DSTN: variants seen among roughly 807,000 people sequenced by gnomAD.
DSTN encodes destrin, actin depolymerizing factor.
Under a neutral mutation model 16.8 loss-of-function variants are expected in DSTN, and 10 were observed. That is an observed-to-expected ratio of 0.60 (90% CI 0.37 to 1.01). The LOEUF (loss-of-function observed/expected upper bound fraction) is 1.01. Among genes scored for constraint, DSTN ranks in the 50% least tolerant of loss-of-function variants. The pLI, the probability that DSTN is intolerant of heterozygous loss-of-function variation, is 0.01. For synonymous variants in DSTN, 57 were observed against 58.9 expected (o/e 0.97, Z 0.14); for missense variants, 141 against 196.7 (o/e 0.72, Z 1.69).
rs565864408 is a variant in DSTN at position 17,586,387 on chromosome 20, A to G, written c.4-14351A>G. Among the ~76,000 whole-genome samples the G allele has an allele frequency of 7.2e-4, 109 of 152,280 alleles. 1 individual carries two copies. Among genetic ancestry groups the G allele is most frequent in the Non-Finnish European group, 1.3e-3 (87 of 68,030 alleles). ...CAAAACCAATGGCTTGCCTCATAGG[A>G]CCCAGTTTCATCATTGCAGATTTTG... is the stretch of plus-strand genomic sequence containing the variant. On this transcript the variant is annotated intron_variant, in intron 1 of 3. Transcript: ENST00000246069.
intron 1 of DSTN, among the ~76,000 whole-genome samples, chr20:17,577,700 T>C (rs775449726): frequency 6.6e-6 from 1 of 152,230 alleles, no homozygotes; most frequent in Non-Finnish European, 1.5e-5. Context: ...AATATACTTT[T>C]AACTTTTCTA....
chr20:17,602,577 T>C (rs1394045420), intron 2 of DSTN, among the ~76,000 whole-genome samples: 1 of 152,232 alleles, frequency 6.6e-6, no homozygotes, highest in African/African-American at 2.4e-5. Context: ...TGTTACACTG[T>C]TACTTAAGAA....
intron 1 of DSTN, among the ~76,000 whole-genome samples, chr20:17,597,776 A>G (rs1284574293): frequency 6.6e-6 from 1 of 152,226 alleles, no homozygotes; most frequent in African/African-American, 2.4e-5. Context: ...TTGTGTATGC[A>G]TCACTCCTGT....
intron 1 of DSTN, among the ~76,000 whole-genome samples, chr20:17,571,340 A>G (rs929140459): frequency 6.6e-6 from 1 of 152,226 alleles, no homozygotes; most frequent in African/African-American, 2.4e-5. Flanking sequence ...TTTTCACTGT[A>G]TAACAGTTTT....
intron 1 of DSTN, among the ~76,000 whole-genome samples, chr20:17,595,744 G>A (rs563148699): frequency 6.6e-6 from 1 of 152,184 alleles, no homozygotes; most frequent in Non-Finnish European, 1.5e-5. Context: ...GATGCAAATA[G>A]TGATAGTAGC....
chr20:17,587,908 A>G (rs2035428707), intron 1 of DSTN, among the ~76,000 whole-genome samples: 2 of 152,236 alleles, frequency 1.3e-5, no homozygotes, highest in East Asian at 3.8e-4. Context: ...CCACACATCA[A>G]GTATTCAGTA....
intron 1 of DSTN, among the ~76,000 whole-genome samples, chr20:17,585,404 T>TATTGATTTG (rs1049740718): frequency 3.3e-5 from 5 of 152,138 alleles, no homozygotes; most frequent in African/African-American, 7.2e-5. Context: ...GTTTCATATT[T>TATTGATTTG]ATTGATTTGC....
At chr20:17,574,669 T>A (rs997538676) in intron 1 of DSTN, among the ~76,000 whole-genome samples, 2 of 133,372 alleles carry the variant, frequency 1.5e-5, no homozygotes, top group African/African-American at 2.9e-5. Flanking sequence ...GAGGTTGTAG[T>A]GAGCTAAGAT....
chr20:17,606,828 G>A (rs1392247731), intron 3 of DSTN, among the ~76,000 whole-genome samples: 1 of 152,120 alleles, frequency 6.6e-6, no homozygotes, highest in African/African-American at 2.4e-5. Context: ...TTTAAATCTG[G>A]ATTCTTTCAG....
intron 1 of DSTN, chr20:17,596,714 A>G: frequency 2.0e-6 from 2 of 985,428 alleles, no homozygotes; most frequent in Non-Finnish European, 2.4e-6. Context: ...GTCTAATGGT[A>G]TAAGAAACCT....
intron 1 of DSTN, among the ~76,000 whole-genome samples, chr20:17,586,527 G>GT: frequency 1.3e-5 from 2 of 152,288 alleles, no homozygotes; most frequent in South Asian, 4.1e-4. Flanking sequence ...TGGCTTTGCT[G>GT]TTTAACCACT....
At chr20:17,588,513 T>G (rs907154002) in intron 1 of DSTN, among the ~76,000 whole-genome samples, 2 of 152,138 alleles carry the variant, frequency 1.3e-5, no homozygotes, top group Admixed American at 1.3e-4. Flanking sequence ...TGGGCACGGT[T>G]GCTCACGCCT....
Position 17,570,082 on chromosome 20 carries a change from G to C in DSTN, c.-127G>C, listed in dbSNP as rs1253236996. ...CCGTCCTGAGGCGCGCCCGCCCCGGGGTAAGCTCGCGCCGCCGCGTCAGCT... is the reference window on the plus strand; with the variant it reads ...CCGTCCTGAGGCGCGCCCGCCCCGGCGTAAGCTCGCGCCGCCGCGTCAGCT... On this transcript the variant is annotated 5_prime_UTR_variant, in exon 1 of 4. Coordinates refer to ENST00000246069, the MANE Select transcript of DSTN (RefSeq NM_006870.4). 23 of 1,414,954 alleles carry C rather than the reference G, an allele frequency of 1.6e-5. No homozygotes were observed. The East Asian group carries it at 5.9e-4, about 36-fold the overall frequency. The allele number at this position is 1,414,954 out of a possible 1,614,324, so 87.6% of individuals were successfully genotyped here.
intron 2 of DSTN, among the ~76,000 whole-genome samples, 169 bp downstream of exon 2, chr20:17,601,214 A>C (rs958905983): frequency 1.3e-5 from 2 of 151,460 alleles, no homozygotes; most frequent in Non-Finnish European, 2.9e-5. Flanking sequence ...ATGGGACCCA[A>C]ACTAAATTTT....
chr20:17,580,760 A>T (rs1568731518), intron 1 of DSTN, among the ~76,000 whole-genome samples: 5 of 152,250 alleles, frequency 3.3e-5, no homozygotes, highest in Admixed American at 2.0e-4. Context: ...AAAAAAAAAA[A>T]AAATGGGAAG....
intron 1 of DSTN, among the ~76,000 whole-genome samples, chr20:17,576,817 C>T (rs1052317409): frequency 9.9e-5 from 15 of 152,220 alleles, no homozygotes; most frequent in Admixed American, 9.8e-4. Context: ...ATTTCCTACC[C>T]TTGTTTCTAT....
In DSTN at chr20:17,609,648, AAGTCTC is replaced by A. The variant is rs1275285116; in HGVS notation, c.*2506_*2511del. On this transcript the variant is annotated 3_prime_UTR_variant, in exon 4 of 4. Coordinates refer to ENST00000246069, the MANE Select transcript of DSTN (RefSeq NM_006870.4). The stretch of plus-strand genomic sequence containing the variant: ...TTAGTCTCTAGGGGAACTTTTGAGA[AAGTCTC>A]AGTGGATTCCTGAGGCCCAAGAATT... 1.3e-5 allele frequency: 2 copies of A among 152,206 alleles called. No homozygotes were observed. The highest frequency in any genetic ancestry group is 4.8e-5 in the African/African-American group (2 of 41,444). The allele number at this position is 152,206 out of a possible 1,614,324, so 9.4% of individuals were successfully genotyped here.
chr20:17,581,356 T>C (rs1294950568), intron 1 of DSTN, among the ~76,000 whole-genome samples: 4 of 152,114 alleles, frequency 2.6e-5, no homozygotes, highest in Non-Finnish European at 5.9e-5. Context: ...TGGTGGCACG[T>C]ACCTGTAGTC....
chr20:17,590,022 G>A (rs540375531), intron 1 of DSTN, among the ~76,000 whole-genome samples: 3 of 152,154 alleles, frequency 2.0e-5, no homozygotes, highest in East Asian at 1.9e-4. Context: ...TTAGTAGTAC[G>A]GAAAAAGACC....
Sources: allele counts gnomAD v4.1 joint callset (sites outside exome capture counted in the v4.1 genomes callset), GRCh38; gene constraint gnomAD v4.1.1; transcripts MANE v1.5; gene names NCBI Gene and HGNC (gene_info 2026-07-23, HGNC 2026-07-21).